The following FGF14 variants were observed in gnomAD, a reference collection of about 807,000 sequenced individuals.
The protein encoded by FGF14 is fibroblast growth factor homologous factor 4.
Under a neutral mutation model 25.5 loss-of-function variants are expected in FGF14, and 5 were observed. The ratio of observed to expected loss-of-function variants is 0.20; its 90% CI spans 0.10 to 0.41. The LOEUF (loss-of-function observed/expected upper bound fraction) is 0.41, where lower values mean the gene tolerates loss of function less well. FGF14 is among the 10% of genes least tolerant of loss of function. The pLI is 1.00. For synonymous variants in FGF14, 138 were observed against 118.3 expected, an observed-to-expected ratio of 1.17 and a Z score of -1.08; for missense variants, 222 against 320.1, an observed-to-expected ratio of 0.69 and a Z score of 2.34.
intron 1 of FGF14, chr13:102,300,100 T>C (rs1183403564): frequency 6.6e-6 from 1 of 152,172 alleles, no homozygotes; most frequent in Non-Finnish European, 1.5e-5. Context: ...TCTCATATAA[T>C]TTAAAATCAG....
At chr13:102,111,878 GT>G (rs2140325037) in intron 1 of FGF14, among the ~76,000 whole-genome samples, 1 of 151,880 alleles carries the variant, frequency 6.6e-6, no homozygotes, top group East Asian at 1.9e-4. Context: ...CAACTTTGTA[GT>G]TTATTGTCTC....
chr13:102,354,999 C>G (rs563988461), intron 1 of FGF14, among the ~76,000 whole-genome samples: 2 of 152,304 alleles, frequency 1.3e-5, no homozygotes, highest in East Asian at 3.9e-4. Flanking sequence ...CATATTCTTA[C>G]ATATTTTGTA....
At chr13:101,798,165 T>C (rs2040663358) in intron 3 of FGF14, among the ~76,000 whole-genome samples, 1 of 152,128 alleles carries the variant, frequency 6.6e-6, no homozygotes, top group East Asian at 1.9e-4. Flanking sequence ...GCTATGTTTT[T>C]CTATCAAAAG....
chr13:101,956,768 C>CAA (rs372879439), intron 1 of FGF14, among the ~76,000 whole-genome samples: 32,853 of 122,204 alleles, frequency 0.27, 4,019 homozygotes, highest in East Asian at 0.42. Flanking sequence ...TTCACTTTAC[C>CAA]AAAAAAAAAA....
At chr13:101,826,870 T>C (rs1431582037) in intron 3 of FGF14, among the ~76,000 whole-genome samples, 3 of 152,002 alleles carry the variant, frequency 2.0e-5, no homozygotes, top group Non-Finnish European at 4.4e-5. Context: ...CTGTGGCTTT[T>C]CTGACATGTA....
At chr13:102,103,024 C>A (rs2044733314) in intron 1 of FGF14, among the ~76,000 whole-genome samples, 1 of 152,132 alleles carries the variant, frequency 6.6e-6, no homozygotes, top group South Asian at 2.1e-4. Flanking sequence ...AATATTATTT[C>A]TTCAAAAAGT....
At chr13:101,987,988 C>T (rs1258316562) in intron 1 of FGF14, among the ~76,000 whole-genome samples, 3 of 151,964 alleles carry the variant, frequency 2.0e-5, no homozygotes, top group Non-Finnish European at 4.4e-5. Context: ...ACTCTAGAAT[C>T]ACGAATGAAA....
chr13:102,233,204 G>A (rs899745305), intron 1 of FGF14, among the ~76,000 whole-genome samples: 3 of 151,930 alleles, frequency 2.0e-5, no homozygotes, highest in Non-Finnish European at 2.9e-5. Flanking sequence ...GCATGATCTC[G>A]GCTCACTGCA....
intron 4 of FGF14, among the ~76,000 whole-genome samples, chr13:101,725,079 G>T (rs2035320807): frequency 6.6e-6 from 1 of 151,942 alleles, no homozygotes; most frequent in African/African-American, 2.4e-5. Flanking sequence ...AAAGGGTAAG[G>T]TTCTAAAAAT....
At chr13:102,096,355 C>T (rs144540332) in intron 1 of FGF14, among the ~76,000 whole-genome samples, 1 of 151,858 alleles carries the variant, frequency 6.6e-6, no homozygotes, top group African/African-American at 2.4e-5. Context: ...AAATGGTGAC[C>T]AATGTCCTGG....
In FGF14 at chr13:101,849,837, C is replaced by T. The variant is rs2043657509; in HGVS notation, c.408+18888G>A. Among the ~76,000 whole-genome samples the T allele has an allele frequency of 2.0e-5, 3 of 151,992 alleles. No individual in the cohort carries two copies. In the South Asian group the frequency reaches 6.2e-4, roughly 32 times the overall value. On this transcript the variant is annotated intron_variant, in intron 3 of 4. Transcript: ENST00000376143. ...AGCACCAGGTCAAACTCCAGCTCTCCCCCTAATTAACTGAGTGAACTTGGG... is the reference window on the plus strand; with the variant it reads ...AGCACCAGGTCAAACTCCAGCTCTCTCCCTAATTAACTGAGTGAACTTGGG...
chr13:102,396,788 T>C (rs2058595596), intron 1 of FGF14, among the ~76,000 whole-genome samples: 1 of 152,150 alleles, frequency 6.6e-6, no homozygotes, highest in Non-Finnish European at 1.5e-5. Context: ...GGATATACAT[T>C]TCAAAAAAGA....
intron 3 of FGF14, among the ~76,000 whole-genome samples, chr13:101,851,211 G>A (rs1384365237): frequency 1.3e-5 from 2 of 152,026 alleles, no homozygotes; most frequent in East Asian, 1.9e-4. Context: ...GACAGAGACA[G>A]GCACACAGGC....
At chr13:101,772,667 C>T (rs955896635) in intron 3 of FGF14, among the ~76,000 whole-genome samples, 20 of 152,108 alleles carry the variant, frequency 1.3e-4, no homozygotes, top group African/African-American at 4.3e-4. Context: ...TAAACAGATA[C>T]ATTATGTGGC....
intron 2 of FGF14, among the ~76,000 whole-genome samples, chr13:101,870,814 G>A (rs376945722): frequency 7.9e-5 from 12 of 152,034 alleles, no homozygotes; most frequent in Non-Finnish European, 2.9e-5. Flanking sequence ...TTAGCCAGGC[G>A]TGGTGGGGCA....
intron 1 of FGF14, among the ~76,000 whole-genome samples, chr13:102,176,971 T>C (rs528060733): frequency 2.0e-4 from 30 of 152,320 alleles, no homozygotes; most frequent in African/African-American, 7.2e-4. Flanking sequence ...CCATATGCTA[T>C]GTCAGTTTTA....
intron 1 of FGF14, among the ~76,000 whole-genome samples, chr13:102,311,428 T>G (rs2055761185): frequency 6.6e-6 from 1 of 152,146 alleles, no homozygotes; most frequent in African/African-American, 2.4e-5. Context: ...AATGGTGTCT[T>G]TAATTCTAGC....
intron 1 of FGF14, among the ~76,000 whole-genome samples, chr13:102,037,763 G>A (rs2139977850): frequency 6.6e-6 from 1 of 152,234 alleles, no homozygotes; most frequent in Middle Eastern, 3.4e-3. Context: ...AACCGTTGCA[G>A]ACCAGTATCC....
At chr13:101,742,406 T>C (rs917790126) in intron 3 of FGF14, among the ~76,000 whole-genome samples, 5 of 152,150 alleles carry the variant, frequency 3.3e-5, no homozygotes, top group Non-Finnish European at 7.4e-5. Context: ...CCAGTGATTA[T>C]TGAGGATGGT....
Sources: gnomAD v4.1 joint callset for allele counts (sites outside exome capture counted in the v4.1 genomes callset) on GRCh38, gnomAD v4.1.1 for gene constraint, MANE v1.5 for transcripts, NCBI Gene and HGNC (gene_info 2026-07-23, HGNC 2026-07-21) for gene names.